DLGAP2: variants seen among roughly 807,000 people sequenced by gnomAD.
DLGAP2 encodes the protein DLG associated protein 2.
A neutral mutation model predicts 100.3 loss-of-function variants in DLGAP2; 26 were observed. That is an observed-to-expected ratio of 0.26 (90% confidence interval 0.19 to 0.36). DLGAP2 has a LOEUF of 0.36. Among genes scored for constraint, DLGAP2 ranks in the 10% least tolerant of loss-of-function variants. The pLI, the probability that DLGAP2 is intolerant of heterozygous loss-of-function variation, is 1.00. For missense variants in DLGAP2, 1,858 were observed against 1,453.2 expected (o/e 1.28, Z -4.53); for synonymous variants, 886 against 630.1 (o/e 1.41, Z -6.08).
chr8:811,631 C>G (rs918521601), intron 1 of DLGAP2, among the ~76,000 whole-genome samples: 1 of 148,712 alleles, frequency 6.7e-6, no homozygotes, highest in African/African-American at 2.5e-5. Flanking sequence ...TCCCATCAAC[C>G]TTGGAATGAG....
rs560496661 is a variant in DLGAP2, at chr8:873,473, T to C, written c.19-34439T>C. Among the ~76,000 whole-genome samples, 6 of 152,354 alleles carry C rather than the reference T, an allele frequency of 3.9e-5. No homozygotes were observed. The South Asian group carries it at 1.2e-3, about 32-fold the overall frequency. ...ACGTTAGTTATGTGGTTTTCATAGA[T>C]GCCTTTTATTAAGTCAAGGAACTTT... On this transcript the variant is annotated intron_variant, in intron 1 of 14. Transcript: ENST00000637795.
In DLGAP2 at chr8:1,164,168, CCGTCATTTTGGTT is replaced by C. The variant is rs1563224145; in HGVS notation, c.74-94682_74-94670del. On this transcript the variant is annotated intron_variant, in intron 2 of 14. Coordinates refer to ENST00000637795, the MANE Select transcript of DLGAP2 (RefSeq NM_001346810.2). ...GATTTTTCTGTGAGCCCCCCAGGGC[CCGTCATTTTGGTT>C]TGTGGGGATTTTTCTGTGAGCCCCC... Among the ~76,000 whole-genome samples, 357 of 113,894 alleles carry C rather than the reference CCGTCATTTTGGTT, an allele frequency of 3.1e-3. 10 individuals are homozygous for C. Among genetic ancestry groups the C allele is most frequent in the African/African-American group, 7.8e-3 (226 of 28,954 alleles). The allele number at this position is 113,894 out of a possible 152,430, so 74.7% of individuals were successfully genotyped here.
chr8:996,671 A>C (rs1251122833), intron 2 of DLGAP2, among the ~76,000 whole-genome samples: 1 of 152,218 alleles, frequency 6.6e-6, no homozygotes, highest in African/African-American at 2.4e-5. Flanking sequence ...CAGCCTTTAA[A>C]ATATTCCATG....
chr8:1,319,189 C>G (rs1800838700), intron 3 of DLGAP2, among the ~76,000 whole-genome samples: 1 of 152,202 alleles, frequency 6.6e-6, no homozygotes, highest in African/African-American at 2.4e-5. Context: ...GCTCCCCTCC[C>G]TCCTCCCTGG....
intron 1 of DLGAP2, among the ~76,000 whole-genome samples, chr8:881,458 C>T (rs1797789351): frequency 6.7e-6 from 1 of 148,390 alleles, no homozygotes; most frequent in African/African-American, 2.5e-5. Context: ...TGCAAAAGAA[C>T]ATTTATTTTC....
intron 2 of DLGAP2, among the ~76,000 whole-genome samples, chr8:1,172,643 A>G (rs1797153351): frequency 1.3e-5 from 2 of 151,886 alleles, no homozygotes; most frequent in Non-Finnish European, 2.9e-5. Context: ...TTCATCTTCC[A>G]TCGCTGATAC....
intron 2 of DLGAP2, among the ~76,000 whole-genome samples, chr8:1,056,610 G>A (rs1183631537): frequency 6.6e-6 from 1 of 152,202 alleles, no homozygotes; most frequent in Non-Finnish European, 1.5e-5. Flanking sequence ...GTTGAAAGGT[G>A]CCAGGACACC....
intron 2 of DLGAP2, among the ~76,000 whole-genome samples, chr8:1,206,830 C>G (rs1344444822): frequency 6.6e-6 from 1 of 152,230 alleles, no homozygotes; most frequent in African/African-American, 2.4e-5. Flanking sequence ...GGCCCCTCTT[C>G]TGTCGCTGAC....
At chr8:921,905 CAGA>C (rs1204940515) in intron 2 of DLGAP2, among the ~76,000 whole-genome samples, 1 of 152,244 alleles carries the variant, frequency 6.6e-6, no homozygotes, top group African/African-American at 2.4e-5. Flanking sequence ...GACGTTCGGG[CAGA>C]AGAACTGGAC....
intron 1 of DLGAP2, among the ~76,000 whole-genome samples, chr8:866,930 T>A (rs761900616): frequency 3.9e-5 from 6 of 152,022 alleles, no homozygotes; most frequent in Admixed American, 6.6e-5. Context: ...GTTCCCAGGG[T>A]CTGGAGATGG....
At chr8:914,661 T>G (rs1454545655) in intron 2 of DLGAP2, among the ~76,000 whole-genome samples, 1 of 152,218 alleles carries the variant, frequency 6.6e-6, no homozygotes, top group African/African-American at 2.4e-5. Flanking sequence ...GTGGCCCTAT[T>G]AACCCCAGAG....
At chr8:1,509,636 G>A (rs1006857747) in intron 4 of DLGAP2, among the ~76,000 whole-genome samples, 1 of 151,970 alleles carries the variant, frequency 6.6e-6, no homozygotes, top group Non-Finnish European at 1.5e-5. Flanking sequence ...CAAAGCCTCC[G>A]CACATACACT....
At chr8:1,525,191 CTTTTT>C (rs56358216) in intron 4 of DLGAP2, among the ~76,000 whole-genome samples, 1 of 103,676 alleles carries the variant, frequency 9.6e-6, no homozygotes, top group African/African-American at 3.8e-5. Context: ...ACTCTGATGT[CTTTTT>C]TTTTTTTTTT....
intron 10 of DLGAP2, among the ~76,000 whole-genome samples, chr8:1,675,415 G>A (rs770005324): frequency 1.3e-5 from 2 of 152,288 alleles, no homozygotes; most frequent in South Asian, 2.1e-4. Context: ...ACGTGATAAC[G>A]CTGGAACCTC....
intron 1 of DLGAP2, among the ~76,000 whole-genome samples, chr8:806,380 G>A (rs571590852): frequency 3.3e-5 from 5 of 152,312 alleles, no homozygotes; most frequent in African/African-American, 7.2e-5. Context: ...GCCGCCAGTC[G>A]TTTCTGGATC....
chr8:1,704,494 G>C lies in DLGAP2; in HGVS notation c.*3088G>C, dbSNP rs540397108. The C allele has an allele frequency of 2.6e-5, 4 of 152,356 alleles. No individual in the cohort carries two copies. Among genetic ancestry groups the C allele is most frequent in the African/African-American group, 9.6e-5 (4 of 41,578 alleles). The allele number at this position is 152,356 out of a possible 1,614,324, so 9.4% of individuals were successfully genotyped here. ...TCACCTAGAGTGCTTTCCTTGTGAT[G>C]CGTCTCTCGCATCTTCACGTGTTGT... On this transcript the variant is annotated 3_prime_UTR_variant, in exon 15 of 15. Transcript: ENST00000637795.
chr8:1,460,937 C>A (rs1247789410), intron 3 of DLGAP2, among the ~76,000 whole-genome samples: 2 of 152,204 alleles, frequency 1.3e-5, no homozygotes, highest in Non-Finnish European at 2.9e-5. Flanking sequence ...AGCATAAACA[C>A]AAGGGTACCA....
At chr8:984,895 T>C (rs192120804) in intron 2 of DLGAP2, among the ~76,000 whole-genome samples, 45 of 152,312 alleles carry the variant, frequency 3.0e-4, no homozygotes, top group Non-Finnish European at 4.4e-5. Context: ...TCTGTTACTA[T>C]TGATCATCAT....
intron 3 of DLGAP2, among the ~76,000 whole-genome samples, chr8:1,415,882 G>T (rs995894144): frequency 1.3e-5 from 2 of 152,184 alleles, no homozygotes; most frequent in Non-Finnish European, 2.9e-5. Context: ...TCTTCAAGCT[G>T]CTTTCCATAG....
Sources: gnomAD v4.1 joint callset for allele counts (sites outside exome capture counted in the v4.1 genomes callset) on GRCh38, gnomAD v4.1.1 for gene constraint, MANE v1.5 for transcripts, NCBI Gene and HGNC (gene_info 2026-07-23, HGNC 2026-07-21) for gene names.